Variants in GREB1 observed in about 807,000 individuals in gnomAD.
GREB1 encodes protein GREB1.
In GREB1, 106 loss-of-function variants were observed where a neutral mutation model predicts 200.7. That is an observed-to-expected ratio of 0.53 (90% CI 0.45 to 0.62). The LOEUF (loss-of-function observed/expected upper bound fraction) is 0.62. Ranked by LOEUF, GREB1 falls within the 20% of genes least tolerant of loss-of-function variation. The pLI is 0.00. For synonymous variants in GREB1, 1,132 were observed against 1,092.4 expected, an observed-to-expected ratio of 1.04 and a Z score of -0.72; for missense variants, 2,243 against 2,556.8, an observed-to-expected ratio of 0.88 and a Z score of 2.65.
At chr2:11,606,937 C>T (rs12616734) in intron 17 of GREB1, among the ~76,000 whole-genome samples, 12,081 of 151,912 alleles carry the variant, frequency 0.08, 627 homozygotes, top group South Asian at 0.21. Flanking sequence ...CACGCACCAC[C>T]ACGCCCAGCT....
At chr2:11,566,727 C>A in intron 4 of GREB1, 71 bp downstream of exon 4, 3 of 1,390,850 alleles carry the variant, frequency 2.2e-6, no homozygotes, top group Non-Finnish European at 1.9e-6. Context: ...GAGGTCACGG[C>A]GGGGGGTGGT....
In GREB1 at chr2:11,630,101, A is replaced by G; in HGVS notation, c.4603A>G (p.Thr1535Ala). Reference protein sequence around the residue: ...QLESMRLPLVTDKSHEYIKSP... With the variant: ...QLESMRLPLVADKSHEYIKSP... ...GGAGAGCATGCGACTACCCCTCGTG[A>G]CAGACAAGGTACTGGCTCAGAGACC... The change falls in exon 26 of 33, where the codon ACA becomes GCA. Residue 1535 changes from threonine (T) to alanine (A), a missense_variant. Around this residue, in one of 3 missense-constraint regions of GREB1, gnomAD observed 478 missense variants for 616.3 expected, o/e 0.78. Coordinates refer to ENST00000381486, the MANE Select transcript of GREB1 (RefSeq NM_014668.4). 1 of 1,614,152 alleles carries G rather than the reference A, an allele frequency of 6.2e-7. No individual in the cohort carries two copies. The highest frequency in any genetic ancestry group is 8.5e-7 in the Non-Finnish European group (1 of 1,179,994).
chr2:11,621,796 AAGCCCATCC>A (rs1323034127), intron 23 of GREB1, among the ~76,000 whole-genome samples: 4 of 152,200 alleles, frequency 2.6e-5, no homozygotes. Context: ...GGAGCCAAGG[AAGCCCATCC>A]AGCCCTCGGC....
chr2:11,591,284 G>A (rs1194480627), intron 10 of GREB1: 18 of 694,052 alleles, frequency 2.6e-5, no homozygotes, highest in Admixed American at 1.3e-4. Context: ...CATGAACCCC[G>A]TGTTATGCAT....
intron 1 of GREB1, among the ~76,000 whole-genome samples, chr2:11,516,341 T>TGTGTGTGTGTGCA (rs1673499259): frequency 6.6e-6 from 1 of 151,762 alleles, no homozygotes; most frequent in Admixed American, 6.6e-5. Flanking sequence ...TGTGTGTGTG[T>TGTGTGTGTGTGCA]GTGTGTGCAC....
At chr2:11,565,968 G>A (rs1677594228) in intron 3 of GREB1, among the ~76,000 whole-genome samples, 1 of 151,928 alleles carries the variant, frequency 6.6e-6, no homozygotes, top group African/African-American at 2.4e-5. Context: ...TGCATCACAT[G>A]GTGGCACCGA....
At chr2:11,543,211 C>T (rs969048744) in intron 1 of GREB1, among the ~76,000 whole-genome samples, 3 of 152,118 alleles carry the variant, frequency 2.0e-5, no homozygotes, top group Non-Finnish European at 4.4e-5. Flanking sequence ...CAGAGAGGCA[C>T]GTTTCAATAG....
At chr2:11,630,925 C>T (rs1411571438) in intron 26 of GREB1, among the ~76,000 whole-genome samples, 1 of 152,218 alleles carries the variant, frequency 6.6e-6, no homozygotes, top group Non-Finnish European at 1.5e-5. Flanking sequence ...CTCCAGAGTG[C>T]TAGGCACCTG....
chr2:11,535,617 G>A lies in GREB1; in HGVS notation c.-162+1363G>A, dbSNP rs73915405. 7.1e-3 allele frequency among the ~76,000 whole-genome samples: 1,082 copies of A among 152,286 alleles called. 21 individuals carry two copies. Among genetic ancestry groups the A allele is most frequent in the African/African-American group, 0.025 (1,027 of 41,556 alleles). On this transcript the variant is annotated intron_variant, in intron 1 of 32. Coordinates refer to ENST00000381486, the MANE Select transcript of GREB1 (RefSeq NM_014668.4). The stretch of plus-strand genomic sequence containing the variant: ...TAAATAAATAATAGAGAAATAAGGT[G>A]TGTGTTGATTGAAATACATTGATTG...
intron 13 of GREB1, 73 bp downstream of exon 13, chr2:11,596,312 C>T: frequency 1.5e-6 from 2 of 1,366,628 alleles, no homozygotes; most frequent in African/African-American, 1.5e-5. Flanking sequence ...TCAGTGGGCG[C>T]AGGTGTGCAC....
At chr2:11,499,350 G>T (rs543820914) in intron 1 of GREB1, among the ~76,000 whole-genome samples, 1 of 152,264 alleles carries the variant, frequency 6.6e-6, no homozygotes, top group African/African-American at 2.4e-5. Flanking sequence ...AGTGCTACGA[G>T]AATGATCTTT....
intron 1 of GREB1, among the ~76,000 whole-genome samples, chr2:11,511,713 G>T (rs552127970): frequency 6.6e-6 from 1 of 152,138 alleles, no homozygotes; most frequent in Non-Finnish European, 1.5e-5. Context: ...GGGGAATGGG[G>T]TTCCTCTGTA....
intron 9 of GREB1, chr2:11,587,828 A>G: frequency 9.5e-7 from 1 of 1,047,510 alleles, no homozygotes; most frequent in Non-Finnish European, 1.2e-6. Flanking sequence ...ACTGAGGTTT[A>G]GGGCAGTTAA....
At chr2:11,557,907 T>C (rs777007217) in intron 2 of GREB1, among the ~76,000 whole-genome samples, 1 of 152,176 alleles carries the variant, frequency 6.6e-6, no homozygotes, top group Non-Finnish European at 1.5e-5. Flanking sequence ...GAGAAATGGC[T>C]GGAAAGTATT....
intron 1 of GREB1, among the ~76,000 whole-genome samples, chr2:11,483,167 G>T (rs1672549222): frequency 2.6e-5 from 4 of 152,090 alleles, no homozygotes; most frequent in African/African-American, 7.2e-5. Context: ...TGCCGCTGCC[G>T]TGCGCTTGTG....
Position 11,632,128 on chromosome 2 carries a change from A to G in GREB1, c.4816+15A>G, listed in dbSNP as rs376690572. 3.7e-5 allele frequency: 59 copies of G among 1,573,954 alleles called. No homozygotes were observed. The African/African-American group carries it at 7.1e-4, about 19-fold the overall frequency. On this transcript the variant is annotated intron_variant, in intron 27 of 32. Transcript: ENST00000381486. The stretch of plus-strand genomic sequence containing the variant: ...TGCTGGAGTTGGTGAGTGTCCTTTA[A>G]CATCATCTACTCAGTCAAACTCCTG...
intron 17 of GREB1, among the ~76,000 whole-genome samples, chr2:11,603,070 T>G (rs1558618512): frequency 6.6e-6 from 1 of 152,230 alleles, no homozygotes; most frequent in Non-Finnish European, 1.5e-5. Context: ...TCAGGCTACG[T>G]GTCTAGCAAG....
chr2:11,526,787 A>G (rs1673891438), intron 1 of GREB1, among the ~76,000 whole-genome samples: 1 of 151,964 alleles, frequency 6.6e-6, no homozygotes. Context: ...CAAACTCCTG[A>G]CCTCAAGTGA....
chr2:11,625,057 A>G (rs1290195030), intron 23 of GREB1, 97 bp from the exon 24 acceptor site: 5 of 984,576 alleles, frequency 5.1e-6, no homozygotes, highest in Non-Finnish European at 7.9e-6. Context: ...CTGATGTCGC[A>G]TTTCTCAGAA....
Sources: allele counts gnomAD v4.1 joint callset (sites outside exome capture counted in the v4.1 genomes callset), GRCh38; gene constraint gnomAD v4.1.1; regional missense constraint gnomAD v4.1.1; transcripts MANE v1.5; gene names NCBI Gene and HGNC (gene_info 2026-07-23, HGNC 2026-07-21).